PIP5K1C: variants seen among roughly 807,000 people sequenced by gnomAD.
The protein encoded by PIP5K1C is phosphatidylinositol-4-phosphate 5-kinase type 1 gamma.
PIP5K1C carries 45 observed loss-of-function variants against 80.1 expected under a neutral mutation model. That is an observed-to-expected ratio of 0.56 (90% confidence interval 0.44 to 0.72). The LOEUF is 0.72. Among genes scored for constraint, PIP5K1C ranks in the 30% least tolerant of loss-of-function variants. The pLI is 0.00. For missense variants in PIP5K1C, 753 were observed against 954.6 expected (o/e 0.79, Z 2.78); for synonymous variants, 498 against 420.1 (o/e 1.19, Z -2.27).
At chr19:3,639,118 C>G in intron 15 of PIP5K1C, 102 bp from the exon 16 acceptor site, 2 of 1,401,772 alleles carry the variant, frequency 1.4e-6, no homozygotes, top group South Asian at 2.4e-5. Flanking sequence ...ACGGTCATCA[C>G]GGAGATGAAA....
At chr19:3,639,157 C>A in intron 15 of PIP5K1C, 141 bp from the exon 16 acceptor site, 1 of 957,052 alleles carries the variant, frequency 1.0e-6, no homozygotes, top group Non-Finnish European at 1.6e-6. Context: ...AGGCCGCGCG[C>A]TCCTGCGCTG....
chr19:3,689,644 G>A (rs1025055259), intron 1 of PIP5K1C, among the ~76,000 whole-genome samples: 6 of 152,008 alleles, frequency 3.9e-5, no homozygotes, highest in Admixed American at 1.3e-4. Flanking sequence ...GCAAAACTCC[G>A]TCTCAAAAAA....
At chr19:3,676,322 C>T (rs1188052246) in intron 1 of PIP5K1C, among the ~76,000 whole-genome samples, 2 of 152,202 alleles carry the variant, frequency 1.3e-5, no homozygotes, top group African/African-American at 2.4e-5. Flanking sequence ...TAAACTGTCA[C>T]CCGGTACATC....
At chr19:3,656,382 G>C (rs375707316) in intron 6 of PIP5K1C, 23 bp downstream of exon 6, 3 of 1,612,430 alleles carry the variant, frequency 1.9e-6, no homozygotes, top group Non-Finnish European at 2.5e-6. Context: ...GGAGCCATCT[G>C]CCCCGCAGGG....
At chr19:3,676,510 G>A (rs73919312) in intron 1 of PIP5K1C, among the ~76,000 whole-genome samples, 1,766 of 152,262 alleles carry the variant, frequency 0.012, 9 homozygotes, top group Middle Eastern at 0.058. Flanking sequence ...ACCATCACTC[G>A]GCCCCCCGCC....
At chr19:3,699,263 G>T (rs972380118) in intron 1 of PIP5K1C, among the ~76,000 whole-genome samples, 1 of 149,676 alleles carries the variant, frequency 6.7e-6, no homozygotes, top group Non-Finnish European at 1.5e-5. Context: ...TCTGGGGAAG[G>T]AACCGGGTCA....
chr19:3,687,574 C>T (rs1401858462), intron 1 of PIP5K1C, among the ~76,000 whole-genome samples: 3 of 149,692 alleles, frequency 2.0e-5, no homozygotes, highest in South Asian at 2.1e-4. Context: ...CACATGCACA[C>T]GCACACACAT....
intron 11 of PIP5K1C, among the ~76,000 whole-genome samples, chr19:3,644,783 GA>G (rs1467425033): frequency 1.3e-5 from 2 of 152,306 alleles, no homozygotes; most frequent in Non-Finnish European, 2.9e-5. Context: ...TGGGGCAGGT[GA>G]TGTCCCGCAC....
intron 1 of PIP5K1C, among the ~76,000 whole-genome samples, chr19:3,685,328 A>G (rs979860141): frequency 6.6e-6 from 1 of 152,202 alleles, no homozygotes; most frequent in Non-Finnish European, 1.5e-5. Context: ...GGCACAGGTA[A>G]AAAGACAGGA....
intron 16 of PIP5K1C, chr19:3,636,262 A>C: frequency 2.4e-6 from 1 of 421,156 alleles, no homozygotes; most frequent in Non-Finnish European, 3.2e-6. Context: ...AGACAGGGGA[A>C]GTGGGGGGCA....
intron 1 of PIP5K1C, among the ~76,000 whole-genome samples, chr19:3,689,544 G>T (rs1047069912): frequency 1.3e-5 from 2 of 152,148 alleles, no homozygotes; most frequent in Non-Finnish European, 2.9e-5. Flanking sequence ...AGCTACTTGG[G>T]AGGCTGAGGC....
At chr19:3,634,652 C>T (rs2033599112) in intron 16 of PIP5K1C, among the ~76,000 whole-genome samples, 1 of 152,254 alleles carries the variant, frequency 6.6e-6, no homozygotes, top group Non-Finnish European at 1.5e-5. Flanking sequence ...TCTGCCAGCT[C>T]CCAGTTGCCC....
intron 1 of PIP5K1C, among the ~76,000 whole-genome samples, chr19:3,675,464 GTAGA>G (rs1041139592): frequency 6.6e-6 from 1 of 152,184 alleles, no homozygotes; most frequent in African/African-American, 2.4e-5. Flanking sequence ...TGTCTGTGCT[GTAGA>G]ACTGAGTTCA....
intron 5 of PIP5K1C, among the ~76,000 whole-genome samples, chr19:3,658,119 T>C (rs955096471): frequency 2.0e-5 from 3 of 152,124 alleles, no homozygotes; most frequent in African/African-American, 7.2e-5. Flanking sequence ...AGTCCCTCCT[T>C]GGGCTCAAGT....
At chr19:3,668,844 G>A (rs113020843) in intron 1 of PIP5K1C, among the ~76,000 whole-genome samples, 113 of 152,304 alleles carry the variant, frequency 7.4e-4, no homozygotes, top group Admixed American at 1.3e-3. Context: ...GGGAGCCGGA[G>A]GGAGTTCCAG....
intron 8 of PIP5K1C, 119 bp downstream of exon 8, chr19:3,651,707 C>G: frequency 5.0e-6 from 5 of 1,005,672 alleles, no homozygotes. Context: ...CTCTGTCTGT[C>G]ACCCACGCAT....
Position 3,696,109 on chromosome 19 carries a change from G to C in PIP5K1C, c.94+4188C>G, listed in dbSNP as rs549957121. ...TGCTGACTCCCTGCCCGGCCGCCCT[G>C]TGACCACACTACACTGTGCTCCAGG... On this transcript the variant is annotated intron_variant, in intron 1 of 17. Transcript: ENST00000335312. This position sits in a 1 kb window ranked among gnomAD's most constrained non-coding sequence, Gnocchi z 4.1. 2.0e-5 allele frequency among the ~76,000 whole-genome samples: 3 copies of C among 152,198 alleles called. No individual in the cohort carries two copies. The highest frequency in any genetic ancestry group is 4.4e-5 in the Non-Finnish European group (3 of 68,036).
intron 1 of PIP5K1C, among the ~76,000 whole-genome samples, chr19:3,697,536 C>A (rs1018279784): frequency 1.3e-5 from 2 of 152,166 alleles, no homozygotes; most frequent in African/African-American, 4.8e-5. Context: ...GAGGACCAAG[C>A]TGGACCCGGG....
In PIP5K1C at chr19:3,651,966, G is replaced by A. The variant is rs139373062; in HGVS notation, c.987C>T (p.His329=). ...LLLGVHNIDQ[H]ERERQAQGAQ... The stretch of plus-strand genomic sequence containing the variant: ...CGCCCTGCGCCTGCCGCTCGCGCTC[G>A]TGCTGGTCGATGTTGTGCACGCCCA... Residue 329 remains histidine (H), a synonymous_variant, in exon 8 of 18, where the codon CAC becomes CAT. Coordinates refer to ENST00000335312, the MANE Select transcript of PIP5K1C (RefSeq NM_012398.3). 269 of 1,613,106 alleles carry A rather than the reference G, an allele frequency of 1.7e-4. 2 individuals are homozygous for A. Among genetic ancestry groups the A allele is most frequent in the African/African-American group, 5.5e-4 (41 of 75,068 alleles).
Sources: gnomAD v4.1 joint callset for allele counts (sites outside exome capture counted in the v4.1 genomes callset) on GRCh38, gnomAD v4.1.1 for gene constraint, Gnocchi (gnomAD v3.1) non-coding constraint, MANE v1.5 for transcripts, NCBI Gene and HGNC (gene_info 2026-07-23, HGNC 2026-07-21) for gene names.